Variants in CDK12 observed in about 807,000 individuals in gnomAD.
The protein encoded by CDK12 is cyclin-dependent kinase 12.
A neutral mutation model predicts 133.8 loss-of-function variants in CDK12; 17 were observed. The ratio of observed to expected loss-of-function variants is 0.13; its 90% CI spans 0.09 to 0.19. The LOEUF (loss-of-function observed/expected upper bound fraction) is 0.19, where lower values mean the gene tolerates loss of function less well. CDK12 is among the 10% of genes least tolerant of loss of function. CDK12 has a pLI of 1.00. For missense variants in CDK12, 1,508 were observed against 1,818.7 expected, an observed-to-expected ratio of 0.83 and a Z score of 3.11; for synonymous variants, 694 against 683.6, an observed-to-expected ratio of 1.02 and a Z score of -0.24.
intron 13 of CDK12, chr17:39,530,374 C>T (rs1396792810): frequency 4.0e-6 from 2 of 494,408 alleles, no homozygotes; most frequent in Non-Finnish European, 6.7e-6. Flanking sequence ...TCAGGATAAT[C>T]ATTTGAAACA....
chr17:39,492,052 C>A, intron 3 of CDK12, among the ~76,000 whole-genome samples: 1 of 147,002 alleles, frequency 6.8e-6, no homozygotes. Flanking sequence ...TTAGTGAAAT[C>A]ATCATAAAAG....
At position 39,532,149 on chromosome 17, in the gene CDK12, G is replaced by A. The variant is rs928569056; in HGVS notation, c.*833G>A. The A allele has an allele frequency of 2.3e-5, 4 of 176,262 alleles. No homozygotes were observed. Among genetic ancestry groups the A allele is most frequent in the African/African-American group, 4.0e-5 (1 of 24,870 alleles). The allele number at this position is 176,262 out of a possible 1,614,324, so 10.9% of individuals were successfully genotyped here. ...CTCTCTCTCTCTCTCTCTCTGTCTC[G>A]CTTGCTCGCTCTCGCTGTTTCTCTC... is the stretch of plus-strand genomic sequence containing the variant. On this transcript the variant is annotated 3_prime_UTR_variant, in exon 14 of 14. Transcript: ENST00000447079.
intron 1 of CDK12, among the ~76,000 whole-genome samples, chr17:39,469,377 G>A (rs1408189335): frequency 6.6e-6 from 1 of 152,068 alleles, no homozygotes; most frequent in Admixed American, 6.6e-5. Context: ...TTTTTGAAAC[G>A]TTCTAAAAGT....
chr17:39,498,866 T>G (rs2146028253), intron 5 of CDK12, among the ~76,000 whole-genome samples: 1 of 148,506 alleles, frequency 6.7e-6, no homozygotes, highest in Non-Finnish European at 1.5e-5. Flanking sequence ...TTTAATACTA[T>G]GATTTTCTCT....
intron 2 of CDK12, among the ~76,000 whole-genome samples, chr17:39,489,076 T>C (rs1196289966): frequency 6.7e-6 from 1 of 149,698 alleles, no homozygotes; most frequent in African/African-American, 2.5e-5. Flanking sequence ...CCACACCCAG[T>C]TAATTTTTTT....
In CDK12 at chr17:39,462,810, G is replaced by A. The variant is rs1465346460; in HGVS notation, c.739G>A (p.Asp247Asn). The A allele has an allele frequency of 5.6e-6, 9 of 1,614,164 alleles. No homozygotes were observed. Among genetic ancestry groups the A allele is most frequent in the Non-Finnish European group, 7.6e-6 (9 of 1,180,038 alleles). ...GGGAGCTTCTTATGGCCAAGATTATGACCTTAGTCCCTCACGATCTCATAC... is the reference window on the plus strand; with the variant it reads ...GGGAGCTTCTTATGGCCAAGATTATAACCTTAGTCCCTCACGATCTCATAC... ...PSGASYGQDYDLSPSRSHTSS... is the reference protein window; with the variant it reads ...PSGASYGQDYNLSPSRSHTSS... The change falls in exon 1 of 14, where the codon GAC becomes AAC. Residue 247 changes from aspartate to asparagine, a missense_variant. Physicochemically the swap from Asp to Asn is conservative, Grantham distance 23 (BLOSUM62 1). Coordinates refer to ENST00000447079, the MANE Select transcript of CDK12 (RefSeq NM_016507.4).
chr17:39,519,390 C>T (rs1015700241), intron 10 of CDK12, among the ~76,000 whole-genome samples: 12 of 140,586 alleles, frequency 8.5e-5, no homozygotes, highest in Non-Finnish European at 1.2e-4. Context: ...CTCACTGCAA[C>T]CTCCGCCTCC....
At position 39,511,596 on chromosome 17, in the gene CDK12, C is replaced by T. The variant is rs753228855; in HGVS notation, c.2734C>T (p.Arg912Cys). Residue 912 changes from arginine to cysteine, a missense_variant, in exon 8 of 14, where the codon CGT (arginine) becomes TGT (cysteine). Transcript: ENST00000447079. ...RPPELLLGEE[R>C]YTPAIDVWSC... ...TCCAGAACTACTGCTAGGAGAGGAACGTTACACACCAGCCATAGATGTTTG... is the reference window on the plus strand; with the variant it reads ...TCCAGAACTACTGCTAGGAGAGGAATGTTACACACCAGCCATAGATGTTTG... 6.2e-7 allele frequency: 1 copy of T among 1,612,470 alleles called. No individual in the cohort carries two copies. The highest frequency in any genetic ancestry group is 8.5e-7 in the Non-Finnish European group (1 of 1,178,754).
At chr17:39,465,395 ATTACCCTT>A (rs2049229645) in intron 1 of CDK12, among the ~76,000 whole-genome samples, 1 of 119,942 alleles carries the variant, frequency 8.3e-6, no homozygotes, top group Non-Finnish European at 1.8e-5. Flanking sequence ...CATTAGCTGG[ATTACCCTT>A]TTTTTTTTTT....
intron 6 of CDK12, among the ~76,000 whole-genome samples, chr17:39,507,276 A>G (rs2053194625): frequency 6.6e-6 from 1 of 151,686 alleles, no homozygotes; most frequent in Admixed American, 6.6e-5. Flanking sequence ...TTGGAAGGAA[A>G]AGTGGGAGTC....
downstream of CDK12, chr17:39,535,126 A>G (rs189086453): frequency 1.3e-5 from 2 of 152,320 alleles, no homozygotes; most frequent in Admixed American, 1.3e-4. Flanking sequence ...CCACCTGAAG[A>G]CAGAATTGCT....
Position 39,541,573 on chromosome 17 carries a change from G to A in CDK12, c.451-2676G>A, listed in dbSNP as rs148833940. Among the ~76,000 whole-genome samples, 478 of 147,990 alleles carry A rather than the reference G, an allele frequency of 3.2e-3. 7 individuals are homozygous for A. The East Asian group carries it at 0.045, about 14-fold the overall frequency. ...GTAGAGACAGGGTTTCACCATGTTA[G>A]CCAGGATGATCTCGATCTCCAGACC... On this transcript the variant is annotated intron_variant and NMD_transcript_variant, in intron 1 of 4. Transcript: ENST00000559663.
At chr17:39,555,089 C>A (rs988988822) in intron 2 of CDK12, among the ~76,000 whole-genome samples, 6 of 149,998 alleles carry the variant, frequency 4.0e-5, no homozygotes, top group African/African-American at 1.2e-4. Context: ...ATTAAAAATA[C>A]AAAAAATTAG....
chr17:39,489,431 T>C (rs2051400818), intron 2 of CDK12, among the ~76,000 whole-genome samples: 1 of 151,774 alleles, frequency 6.6e-6, no homozygotes, highest in Non-Finnish European at 1.5e-5. Flanking sequence ...TCTTCAACTC[T>C]TGACCTCAAG....
chr17:39,554,988 G>T (rs2056097716), intron 2 of CDK12, among the ~76,000 whole-genome samples: 1 of 151,198 alleles, frequency 6.6e-6, no homozygotes, highest in East Asian at 2.0e-4. Flanking sequence ...AGTGGCTCAT[G>T]CCTGTAATCC....
At chr17:39,521,067 A>T (rs1408720364) in intron 11 of CDK12, among the ~76,000 whole-genome samples, 2 of 151,442 alleles carry the variant, frequency 1.3e-5, no homozygotes, top group Non-Finnish European at 2.9e-5. Context: ...TTGGTCTCGA[A>T]CTCCCGACCT....
chr17:39,489,165 C>T (rs113191540), intron 2 of CDK12, among the ~76,000 whole-genome samples: 1 of 151,032 alleles, frequency 6.6e-6, no homozygotes, highest in Non-Finnish European at 1.5e-5. Flanking sequence ...ACTGCAACCT[C>T]CACCCCTGGG....
intron 3 of CDK12, among the ~76,000 whole-genome samples, chr17:39,563,968 C>T (rs182382524): frequency 3.0e-4 from 45 of 152,252 alleles, no homozygotes; most frequent in Non-Finnish European, 5.7e-4. Context: ...GACTTGAGGT[C>T]GAGGAGGATG....
chr17:39,543,874 G>A (rs542597929), upstream of CDK12: 1 of 172,544 alleles, frequency 5.8e-6, no homozygotes, highest in Admixed American at 5.6e-5. Flanking sequence ...AAAACTGGGT[G>A]GCCTCCTCCC....
Sources: allele counts gnomAD v4.1 joint callset (sites outside exome capture counted in the v4.1 genomes callset), GRCh38; gene constraint gnomAD v4.1.1; transcripts MANE v1.5; gene names NCBI Gene and HGNC (gene_info 2026-07-23, HGNC 2026-07-21).